The following ZBTB20 variants were observed in gnomAD, a reference collection of about 807,000 sequenced individuals.
ZBTB20 encodes the protein zinc finger and BTB domain-containing protein 20.
A neutral mutation model predicts 56.9 loss-of-function variants in ZBTB20; 9 were observed. The ratio of observed to expected loss-of-function variants is 0.16; its 90% CI spans 0.10 to 0.28. The LOEUF is 0.28. Ranked by LOEUF, ZBTB20 falls within the 10% of genes least tolerant of loss-of-function variation. The pLI, the probability that ZBTB20 is intolerant of heterozygous loss-of-function variation, is 1.00. For missense variants in ZBTB20, 655 were observed against 1,003.0 expected (o/e 0.65, Z 4.69); for synonymous variants, 417 against 420.7 (o/e 0.99, Z 0.11).
At chr3:114,784,464 A>T (rs1001517740) in intron 5 of ZBTB20, among the ~76,000 whole-genome samples, 1 of 152,242 alleles carries the variant, frequency 6.6e-6, no homozygotes, top group Non-Finnish European at 1.5e-5. Context: ...TCCACTGCCC[A>T]ATCATAAAAG....
Position 114,351,457 on chromosome 3 carries a change from C to T in ZBTB20, c.621G>A (p.Ser207=). Reference sequence around the variant, plus strand: ...GAGTGCCCCGCGGCGTGTCCTGGCCCGAGTCCTGGATCCCCGGGAACACAT... The same window carrying T: ...GAGTGCCCCGCGGCGTGTCCTGGCCTGAGTCCTGGATCCCCGGGAACACAT... ...VGDVFPGIQD[S]GQDTPRGTPE... The change falls in exon 11 of 12, where the codon TCG becomes TCA. Residue 207 remains serine (S), a synonymous_variant. Transcript: ENST00000675478. 2 of 1,613,750 alleles carry T rather than the reference C, an allele frequency of 1.2e-6. No homozygotes were observed. The highest frequency in any genetic ancestry group is 1.7e-6 in the Non-Finnish European group (2 of 1,180,014).
chr3:114,619,093 G>A (rs1560045062), intron 6 of ZBTB20, among the ~76,000 whole-genome samples: 1 of 152,214 alleles, frequency 6.6e-6, no homozygotes. Flanking sequence ...ACTGGAAGGT[G>A]AGTGCAGCAT....
intron 5 of ZBTB20, among the ~76,000 whole-genome samples, chr3:114,787,652 C>T (rs987150511): frequency 6.6e-6 from 1 of 151,738 alleles, no homozygotes; most frequent in Non-Finnish European, 1.5e-5. Context: ...GTGCTTGTTA[C>T]ATAAATCTAT....
At chr3:114,917,548 T>C (rs1355605833) in intron 3 of ZBTB20, among the ~76,000 whole-genome samples, 1 of 152,194 alleles carries the variant, frequency 6.6e-6, no homozygotes, top group Non-Finnish European at 1.5e-5. Context: ...TTATTGTGAC[T>C]AAATTTTTGG....
intron 5 of ZBTB20, among the ~76,000 whole-genome samples, chr3:114,705,462 G>A (rs1422882343): frequency 6.6e-6 from 1 of 152,032 alleles, no homozygotes; most frequent in Non-Finnish European, 1.5e-5. Flanking sequence ...CTTTTGCAAA[G>A]GATTATGGCA....
chr3:114,805,373 T>C (rs575777447), intron 4 of ZBTB20, among the ~76,000 whole-genome samples: 1 of 152,026 alleles, frequency 6.6e-6, no homozygotes, highest in African/African-American at 2.4e-5. Context: ...TTTTCATGAC[T>C]GATAATTGTG....
intron 11 of ZBTB20, among the ~76,000 whole-genome samples, chr3:114,349,295 T>C (rs2108187176): frequency 6.6e-6 from 1 of 152,232 alleles, no homozygotes; most frequent in East Asian, 1.9e-4. Flanking sequence ...TCACAATCGC[T>C]TATGTGCTCA....
At chr3:115,146,930 C>A (rs985060660) in intron 1 of ZBTB20, among the ~76,000 whole-genome samples, 1 of 151,410 alleles carries the variant, frequency 6.6e-6, no homozygotes, top group African/African-American at 2.4e-5. Flanking sequence ...CTCCCACCTC[C>A]CCGCCGGGTC....
At chr3:114,788,520 C>A (rs2070717528) in intron 5 of ZBTB20, among the ~76,000 whole-genome samples, 2 of 152,114 alleles carry the variant, frequency 1.3e-5, no homozygotes, top group African/African-American at 2.4e-5. Flanking sequence ...ATATTCCATT[C>A]TATGTATGGA....
chr3:114,446,415 A>C (rs1328279853), intron 7 of ZBTB20, among the ~76,000 whole-genome samples: 1 of 152,144 alleles, frequency 6.6e-6, no homozygotes, highest in Non-Finnish European at 1.5e-5. Flanking sequence ...AGTTTCCATC[A>C]ATTTTACTCT....
At position 114,326,678 on chromosome 3, in the gene ZBTB20, T is replaced by G. The variant is rs1026215225; in HGVS notation, c.*12327A>C. 1 of 152,188 alleles carries G rather than the reference T, an allele frequency of 6.6e-6. No individual in the cohort carries two copies. The highest frequency in any genetic ancestry group is 1.5e-5 in the Non-Finnish European group (1 of 68,034). The allele number at this position is 152,188 out of a possible 1,614,324, so 9.4% of individuals were successfully genotyped here. Reference sequence around the variant, plus strand: ...TTACTAAAATACACATTCCTCCAGTTTCAGATTTCTAAAAAGTAATAATTA... The same window carrying G: ...TTACTAAAATACACATTCCTCCAGTGTCAGATTTCTAAAAAGTAATAATTA... On this transcript the variant is annotated 3_prime_UTR_variant, in exon 12 of 12. Transcript: ENST00000675478.
At chr3:114,951,802 T>C (rs958968911) in intron 3 of ZBTB20, among the ~76,000 whole-genome samples, 1 of 152,050 alleles carries the variant, frequency 6.6e-6, no homozygotes, top group Non-Finnish European at 1.5e-5. Flanking sequence ...GAAAACATAA[T>C]CAATGGAGAT....
intron 7 of ZBTB20, among the ~76,000 whole-genome samples, chr3:114,401,754 A>C (rs2086842874): frequency 6.6e-6 from 1 of 151,954 alleles, no homozygotes; most frequent in East Asian, 1.9e-4. Flanking sequence ...TACTGAAATA[A>C]AAAAAAATAA....
At chr3:115,041,021 T>C (rs979654987) in intron 2 of ZBTB20, among the ~76,000 whole-genome samples, 1 of 152,200 alleles carries the variant, frequency 6.6e-6, no homozygotes, top group Non-Finnish European at 1.5e-5. Context: ...AATAGACTAC[T>C]GTAAGGGGAA....
chr3:114,514,405 T>G (rs1197073369), intron 6 of ZBTB20, among the ~76,000 whole-genome samples: 1 of 152,180 alleles, frequency 6.6e-6, no homozygotes, highest in East Asian at 1.9e-4. Flanking sequence ...CATAACATGG[T>G]TGGTTACTTT....
intron 6 of ZBTB20, among the ~76,000 whole-genome samples, chr3:114,559,818 G>A (rs2051774436): frequency 1.3e-5 from 2 of 152,036 alleles, no homozygotes; most frequent in African/African-American, 4.8e-5. Context: ...GGAGTTCACG[G>A]GAAAAAGATG....
intron 7 of ZBTB20, among the ~76,000 whole-genome samples, chr3:114,486,562 GA>G (rs1216195884): frequency 6.6e-6 from 1 of 151,764 alleles, no homozygotes; most frequent in Non-Finnish European, 1.5e-5. Context: ...TAAAAGCATA[GA>G]AAAAAAACTC....
chr3:115,005,937 T>C lies in ZBTB20; in HGVS notation c.-506-31521A>G, dbSNP rs1576544399. On this transcript the variant is annotated intron_variant, in intron 2 of 11. Coordinates refer to ENST00000675478, the MANE Select transcript of ZBTB20 (RefSeq NM_001348800.3). The stretch of plus-strand genomic sequence containing the variant: ...TCTCTTTAACTTCATTTCAATCTAC[T>C]CTCTTTTTAGCTCACAGCATTCTAC... Among the ~76,000 whole-genome samples the C allele has an allele frequency of 2.0e-5, 3 of 151,956 alleles. No individual in the cohort carries two copies. The South Asian group carries it at 6.2e-4, about 32-fold the overall frequency.
chr3:114,478,603 C>A (rs1342658523), intron 7 of ZBTB20, among the ~76,000 whole-genome samples: 1 of 152,140 alleles, frequency 6.6e-6, no homozygotes, highest in Non-Finnish European at 1.5e-5. Flanking sequence ...CATTATCAAA[C>A]ACACAAACAC....
Sources: allele counts gnomAD v4.1 joint callset (sites outside exome capture counted in the v4.1 genomes callset), GRCh38; gene constraint gnomAD v4.1.1; transcripts MANE v1.5; gene names NCBI Gene and HGNC (gene_info 2026-07-23, HGNC 2026-07-21).